SLC45A3: variants seen among roughly 807,000 people sequenced by gnomAD.
The protein encoded by SLC45A3 is prostate cancer associated protein 2.
Under a neutral mutation model 35.3 loss-of-function variants are expected in SLC45A3, and 17 were observed. That is an observed-to-expected ratio of 0.48 (90% CI 0.33 to 0.72). SLC45A3 has a LOEUF of 0.72. SLC45A3 is among the 30% of genes least tolerant of loss of function. The pLI is 0.02. For synonymous variants in SLC45A3, 288 were observed against 334.3 expected, an observed-to-expected ratio of 0.86 and a Z score of 1.51; for missense variants, 597 against 731.7, an observed-to-expected ratio of 0.82 and a Z score of 2.12.
At chr1:205,670,532 G>T (rs549038253) in intron 1 of SLC45A3, among the ~76,000 whole-genome samples, 2 of 152,266 alleles carry the variant, frequency 1.3e-5, no homozygotes, top group Non-Finnish European at 2.9e-5. Context: ...GCAGTGGGAC[G>T]GGGGACCCCA....
In SLC45A3 at chr1:205,662,283, T is replaced by G; in HGVS notation, c.959-157A>C. 2 of 1,431,836 alleles carry G rather than the reference T, an allele frequency of 1.4e-6. No individual in the cohort carries two copies. Among genetic ancestry groups the G allele is most frequent in the Non-Finnish European group, 1.8e-6 (2 of 1,096,506 alleles). 88.7% of individuals were successfully genotyped at this position (1,431,836 alleles called of 1,614,324 possible). ...CCCTTCCCCTTTCTACCTCTAGCAA[T>G]GGGAGTCTAGGTTCTTCCACTGACC... On this transcript the variant is annotated intron_variant, in intron 3 of 4. Transcript: ENST00000367145. This position sits in a 1 kb window ranked among gnomAD's most constrained non-coding sequence, Gnocchi z 6.2.
intron 1 of SLC45A3, among the ~76,000 whole-genome samples, chr1:205,677,855 A>G (rs962187843): frequency 4.6e-5 from 7 of 152,262 alleles, no homozygotes; most frequent in Admixed American, 1.3e-4. Flanking sequence ...TAGACTATAT[A>G]TAACGTAATT....
Position 205,662,675 on chromosome 1 carries a change from C to A in SLC45A3, c.958+158G>T. Reference sequence around the variant, plus strand: ...TGAAACCGCAAGCAGAGATGTTCCACACCCATGAGAAGCCGTGTATGCAGA... The same window carrying A: ...TGAAACCGCAAGCAGAGATGTTCCAAACCCATGAGAAGCCGTGTATGCAGA... On this transcript the variant is annotated intron_variant, in intron 3 of 4. Coordinates refer to ENST00000367145, the MANE Select transcript of SLC45A3 (RefSeq NM_033102.3). This position sits in a 1 kb window ranked among gnomAD's most constrained non-coding sequence, Gnocchi z 6.2. 1.4e-6 allele frequency: 2 copies of A among 1,412,004 alleles called. No individual in the cohort carries two copies. Among genetic ancestry groups the A allele is most frequent in the Non-Finnish European group, 1.8e-6 (2 of 1,088,358 alleles). 87.5% of individuals were successfully genotyped at this position (1,412,004 alleles called of 1,614,324 possible).
chr1:205,660,280 C>T (rs1184050469), intron 4 of SLC45A3, among the ~76,000 whole-genome samples: 1 of 152,130 alleles, frequency 6.6e-6, no homozygotes, highest in African/African-American at 2.4e-5. Context: ...TGTCCCTCTT[C>T]CCACCTCCCC....
Position 205,662,738 on chromosome 1 carries a change from G to A in SLC45A3, c.958+95C>T. On this transcript the variant is annotated intron_variant, in intron 3 of 4. Transcript: ENST00000367145. This position sits in a 1 kb window ranked among gnomAD's most constrained non-coding sequence, Gnocchi z 6.2. ...CCACTTTCCTGACAGAGAAGTCGGG[G>A]CCAGGATGGAGAGGCACCAGCCCAG... 1.3e-6 allele frequency: 2 copies of A among 1,494,216 alleles called. No individual in the cohort carries two copies. The highest frequency in any genetic ancestry group is 1.4e-5 in the South Asian group (1 of 71,650). The allele number at this position is 1,494,216 out of a possible 1,614,324, so 92.6% of individuals were successfully genotyped here.
chr1:205,674,122 C>T (rs1671262051), intron 1 of SLC45A3, among the ~76,000 whole-genome samples: 1 of 151,234 alleles, frequency 6.6e-6, no homozygotes, highest in South Asian at 2.1e-4. Flanking sequence ...GTGGGGGGCA[C>T]ATGCAGTTCT....
intron 1 of SLC45A3, among the ~76,000 whole-genome samples, chr1:205,670,939 C>G (rs1342873202): frequency 6.6e-6 from 1 of 152,238 alleles, no homozygotes; most frequent in Non-Finnish European, 1.5e-5. Context: ...CCACTCACCC[C>G]CAATGTGTGA....
At position 205,659,613 on chromosome 1, in the gene SLC45A3, A is replaced by G. The variant is rs761631942; in HGVS notation, c.1283T>C (p.Met428Thr). ...TGGASSEDSL[M>T]TSFLPGPKPG... is the part of the protein sequence containing the mutation. Reference sequence around the variant, plus strand: ...CTTAGGGCCTGGCAGGAAGCTGGTCATCAGGCTGTCCTCACTGCTAGCACC... The same window carrying G: ...CTTAGGGCCTGGCAGGAAGCTGGTCGTCAGGCTGTCCTCACTGCTAGCACC... The change falls in exon 5 of 5, where the codon ATG becomes ACG. Residue 428 changes from methionine to threonine, a missense_variant. Transcript: ENST00000367145. This position sits in a 1 kb window ranked among gnomAD's most constrained non-coding sequence, Gnocchi z 5.8. 2 of 1,558,318 alleles carry G rather than the reference A, an allele frequency of 1.3e-6. No homozygotes were observed. Among genetic ancestry groups the G allele is most frequent in the South Asian group, 2.5e-5 (2 of 80,816 alleles).
In SLC45A3 at chr1:205,658,965, CT is replaced by C. The variant is rs1193463750; in HGVS notation, c.*268del. 1.9e-5 allele frequency: 9 copies of C among 468,108 alleles called. No individual in the cohort carries two copies. In the South Asian group the frequency reaches 2.7e-4, roughly 14 times the overall value. The allele number at this position is 468,108 out of a possible 1,614,324, so 29.0% of individuals were successfully genotyped here. A position where few individuals can be genotyped will look rare whatever the true frequency, so the allele number is the denominator to read the frequency against. On this transcript the variant is annotated 3_prime_UTR_variant, in exon 5 of 5. Coordinates refer to ENST00000367145, the MANE Select transcript of SLC45A3 (RefSeq NM_033102.3). ...TCCCCGCATTCCAGTGCATGGAGCC[CT>C]TCTGGCCTCCCTGTATAAGTCCAGA...
Position 205,663,200 on chromosome 1 carries a change from C to G in SLC45A3, c.591G>C (p.Glu197Asp), listed in dbSNP as rs1671060842. 1 of 1,613,240 alleles carries G rather than the reference C, an allele frequency of 6.2e-7. No homozygotes were observed. Among genetic ancestry groups the G allele is most frequent in the Admixed American group, 1.7e-5 (1 of 59,948 alleles). ...ALAPYLGTQEECLFGLLTLIF... is the reference protein window; with the variant it reads ...ALAPYLGTQEDCLFGLLTLIF... ...TGAGGGTGAGCAGGCCAAAGAGGCA[C>G]TCCTCCTGGGTGCCCAGGTAGGGGG... The change falls in exon 3 of 5, where the codon GAG (glutamate) becomes GAC (aspartate). Residue 197 changes from glutamate (E) to aspartate (D), a missense_variant. By Grantham distance (45) the Glu-to-Asp change is conservative. Around this residue, in one of 3 missense-constraint regions of SLC45A3, gnomAD observed 555 missense variants for 664.9 expected, o/e 0.83. Coordinates refer to ENST00000367145, the MANE Select transcript of SLC45A3 (RefSeq NM_033102.3).
chr1:205,679,412 C>T (rs534605263), intron 1 of SLC45A3, among the ~76,000 whole-genome samples: 1 of 152,104 alleles, frequency 6.6e-6, no homozygotes, highest in Non-Finnish European at 1.5e-5. Flanking sequence ...GAGCAACTCA[C>T]AGGACTGCAG....
chr1:205,680,194 C>T (rs1166011553), intron 1 of SLC45A3, among the ~76,000 whole-genome samples, 200 bp downstream of exon 1: 1 of 151,776 alleles, frequency 6.6e-6, no homozygotes, highest in Non-Finnish European at 1.5e-5. Flanking sequence ...GCACTCGGCA[C>T]CCGCCCCGGC....
At chr1:205,674,670 C>T (rs914057909) in intron 1 of SLC45A3, among the ~76,000 whole-genome samples, 1 of 145,960 alleles carries the variant, frequency 6.9e-6, no homozygotes, top group African/African-American at 2.6e-5. Flanking sequence ...TTTTGTATGA[C>T]ACAAGAGCCC....
chr1:205,671,272 C>T (rs1432128515), intron 1 of SLC45A3, among the ~76,000 whole-genome samples: 1 of 152,212 alleles, frequency 6.6e-6, no homozygotes, highest in Non-Finnish European at 1.5e-5. Context: ...ATTCTGACTC[C>T]AGGCACCTGG....
chr1:205,671,189 G>A (rs1263048629), intron 1 of SLC45A3, among the ~76,000 whole-genome samples: 1 of 152,222 alleles, frequency 6.6e-6, no homozygotes, highest in African/African-American at 2.4e-5. Context: ...GACAGCCTAA[G>A]CTAGGGCTGA....
At chr1:205,663,670 G>A in intron 2 of SLC45A3, 52 bp from the exon 3 acceptor site, 2 of 1,500,624 alleles carry the variant, frequency 1.3e-6, no homozygotes, top group Non-Finnish European at 1.8e-6. Flanking sequence ...TAAAGGGCAA[G>A]GGGAAGGGGA....
intron 1 of SLC45A3, 91 bp downstream of exon 1, chr1:205,680,301 AAC>A (rs1319045533): frequency 1.3e-5 from 2 of 151,806 alleles, no homozygotes; most frequent in African/African-American, 4.8e-5. Flanking sequence ...CGGGGCGCAA[AAC>A]ACGCGACAGC....
Position 205,663,021 on chromosome 1 carries a change from A to T in SLC45A3, c.770T>A (p.Leu257His). 1.2e-6 allele frequency: 2 copies of T among 1,610,716 alleles called. No individual in the cohort carries two copies. The highest frequency in any genetic ancestry group is 1.7e-6 in the Non-Finnish European group (2 of 1,178,292). ...GCAGCACAGCTGGTGCAGCCGGGGA[A>T]GCAGGGCGCCCAGGTTCCGGAAAGC... ...RLAFRNLGAL[L>H]PRLHQLCCRM... The change falls in exon 3 of 5, where the codon CTT becomes CAT. Residue 257 changes from leucine (L) to histidine (H), a missense_variant. Coordinates refer to ENST00000367145, the MANE Select transcript of SLC45A3 (RefSeq NM_033102.3).
chr1:205,668,937 C>G (rs1203943863), intron 1 of SLC45A3, among the ~76,000 whole-genome samples: 4 of 152,134 alleles, frequency 2.6e-5, no homozygotes, highest in Admixed American at 2.0e-4. Flanking sequence ...TGGGCAAGGT[C>G]AGTGAACCTG....
Sources: gnomAD v4.1 joint callset for allele counts (sites outside exome capture counted in the v4.1 genomes callset) on GRCh38, gnomAD v4.1.1 for gene constraint, gnomAD v4.1.1 regional missense constraint, Gnocchi (gnomAD v3.1) non-coding constraint, MANE v1.5 for transcripts, NCBI Gene and HGNC (gene_info 2026-07-23, HGNC 2026-07-21) for gene names.